GAB2: variants seen among roughly 807,000 people sequenced by gnomAD.
The protein encoded by GAB2 is GRB2 associated binding protein 2, also known as GRB2-associated-binding protein 2.
A neutral mutation model predicts 65.5 loss-of-function variants in GAB2; 26 were observed. That is an observed-to-expected ratio of 0.40 (90% confidence interval 0.29 to 0.55). The LOEUF is 0.55. GAB2 is among the 20% of genes least tolerant of loss of function. The pLI, the probability that GAB2 is intolerant of heterozygous loss-of-function variation, is 0.53. For synonymous variants in GAB2, 321 were observed against 329.6 expected, an observed-to-expected ratio of 0.97 and a Z score of 0.28; for missense variants, 884 against 875.8, an observed-to-expected ratio of 1.01 and a Z score of -0.12.
At chr11:78,351,365 G>A (rs1413610433) in intron 1 of GAB2, among the ~76,000 whole-genome samples, 1 of 152,128 alleles carries the variant, frequency 6.6e-6, no homozygotes, top group East Asian at 1.9e-4. Flanking sequence ...GATGCAGGCA[G>A]AGAGCTCTGC....
chr11:78,280,381 G>C, intron 2 of GAB2: 1 of 579,162 alleles, frequency 1.7e-6, no homozygotes, highest in South Asian at 2.1e-5. Context: ...AATACCTTTA[G>C]CTTTATCACA....
At chr11:78,333,723 CATAG>C (rs1855953428) in intron 1 of GAB2, among the ~76,000 whole-genome samples, 2 of 152,068 alleles carry the variant, frequency 1.3e-5, no homozygotes, top group South Asian at 4.1e-4. Flanking sequence ...TGTAAAATCC[CATAG>C]ATACTTACTG....
chr11:78,288,042 G>GAA (rs79860012), intron 1 of GAB2, among the ~76,000 whole-genome samples: 2 of 150,296 alleles, frequency 1.3e-5, no homozygotes, highest in South Asian at 4.2e-4. Context: ...TGGAAAGGAA[G>GAA]AAAAAAAAAT....
intron 1 of GAB2, among the ~76,000 whole-genome samples, chr11:78,386,376 A>G (rs1412566390): frequency 6.6e-6 from 1 of 152,202 alleles, no homozygotes; most frequent in African/African-American, 2.4e-5. Flanking sequence ...CAAGCACTTG[A>G]TATCTCTTCT....
intron 1 of GAB2, among the ~76,000 whole-genome samples, chr11:78,374,935 T>G (rs1856614305): frequency 6.6e-6 from 1 of 152,230 alleles, no homozygotes; most frequent in Admixed American, 6.5e-5. Context: ...TCTATTGAAA[T>G]ATTATTTTAA....
chr11:78,242,681 A>G (rs937598558), intron 3 of GAB2, among the ~76,000 whole-genome samples: 1 of 152,242 alleles, frequency 6.6e-6, no homozygotes, highest in Non-Finnish European at 1.5e-5. Context: ...CTAATGATGC[A>G]TCTCAAGGAA....
chr11:78,373,919 C>T (rs7926053), intron 1 of GAB2, among the ~76,000 whole-genome samples: 8,200 of 152,136 alleles, frequency 0.054, 694 homozygotes, highest in African/African-American at 0.18. Flanking sequence ...GCACAGTACC[C>T]GACACACAGT....
At chr11:78,393,790 T>C (rs1037562393) in intron 1 of GAB2, among the ~76,000 whole-genome samples, 4 of 152,242 alleles carry the variant, frequency 2.6e-5, no homozygotes, top group Non-Finnish European at 5.9e-5. Flanking sequence ...TTATAGAGTG[T>C]TTACAATGTG....
In GAB2 at chr11:78,217,764, C is replaced by G. The variant is rs1415705964; in HGVS notation, c.*1508G>C. On this transcript the variant is annotated 3_prime_UTR_variant, in exon 10 of 10. Coordinates refer to ENST00000361507, the MANE Select transcript of GAB2 (RefSeq NM_080491.3). ...CTGGGGAGGAGAGTCCAAGATGGCT[C>G]CTGGAATGCTAGGGAGCAACAGAGG... 1 of 152,162 alleles carries G rather than the reference C, an allele frequency of 6.6e-6. No homozygotes were observed. The highest frequency in any genetic ancestry group is 2.4e-5 in the African/African-American group (1 of 41,318). 9.4% of individuals were successfully genotyped at this position (152,162 alleles called of 1,614,324 possible). A position where few individuals can be genotyped will look rare whatever the true frequency, so the allele number is the denominator to read the frequency against.
chr11:78,255,252 C>T (rs1253841756), intron 2 of GAB2, among the ~76,000 whole-genome samples: 1 of 152,132 alleles, frequency 6.6e-6, no homozygotes, highest in African/African-American at 2.4e-5. Context: ...GAAACAGACT[C>T]TCCTTAGAGC....
chr11:78,251,668 C>T (rs1205561676), intron 2 of GAB2, among the ~76,000 whole-genome samples: 1 of 152,228 alleles, frequency 6.6e-6, no homozygotes, highest in Non-Finnish European at 1.5e-5. Context: ...CACCTCTACT[C>T]TACTGGCAAG....
At chr11:78,343,297 A>G (rs1856128637) in intron 1 of GAB2, among the ~76,000 whole-genome samples, 1 of 151,520 alleles carries the variant, frequency 6.6e-6, no homozygotes, top group African/African-American at 2.4e-5. Context: ...CCCCGTTGAT[A>G]GACTGAAAAT....
chr11:78,407,766 AAGAGAG>A (rs1231851022), intron 1 of GAB2, among the ~76,000 whole-genome samples: 1 of 151,702 alleles, frequency 6.6e-6, no homozygotes, highest in African/African-American at 2.4e-5. Flanking sequence ...GAAAGAAAGA[AAGAGAG>A]AGAAAGAAAG....
rs193273580 is a variant in GAB2 at position 78,279,263 on chromosome 11, A to G, written c.376+1338T>C. 4.3e-3 allele frequency among the ~76,000 whole-genome samples: 656 copies of G among 152,330 alleles called. 2 individuals are homozygous for G. Among genetic ancestry groups the G allele is most frequent in the African/African-American group, 0.015 (636 of 41,562 alleles). The stretch of plus-strand genomic sequence containing the variant: ...AGAGCCCAGTGTAAAATGAAAACGC[A>G]GAACTTCCTGTTAAAAAAACTATTA... On this transcript the variant is annotated intron_variant, in intron 2 of 9. Coordinates refer to ENST00000361507, the MANE Select transcript of GAB2 (RefSeq NM_080491.3).
At chr11:78,264,548 G>A (rs1317726054) in intron 2 of GAB2, among the ~76,000 whole-genome samples, 6 of 151,596 alleles carry the variant, frequency 4.0e-5, no homozygotes, top group Non-Finnish European at 7.4e-5. Context: ...CTACAGGCAC[G>A]TGCCACCATG....
intron 1 of GAB2, among the ~76,000 whole-genome samples, chr11:78,283,551 C>A (rs551065246): frequency 6.6e-6 from 1 of 152,282 alleles, no homozygotes; most frequent in South Asian, 2.1e-4. Flanking sequence ...TTTGTTTCCT[C>A]CCCTCCTATT....
rs552150258 is a variant in GAB2 at position 78,417,737 on chromosome 11, C to A, written c.-17G>T. 3.2e-6 allele frequency: 4 copies of A among 1,254,716 alleles called. No homozygotes were observed. Among genetic ancestry groups the A allele is most frequent in the Admixed American group, 5.8e-5 (2 of 34,772 alleles). The allele number at this position is 1,254,716 out of a possible 1,614,324, so 77.7% of individuals were successfully genotyped here. A position where few individuals can be genotyped will look rare whatever the true frequency, so the allele number is the denominator to read the frequency against. ...GCCGCTCATGCTGCCGGCCTGGAGCCCCCCGCCGGGTCGCGCGGACGAGGG... is the reference window on the plus strand; with the variant it reads ...GCCGCTCATGCTGCCGGCCTGGAGCACCCCGCCGGGTCGCGCGGACGAGGG... On this transcript the variant is annotated 5_prime_UTR_variant, in exon 1 of 10. Coordinates refer to ENST00000361507, the MANE Select transcript of GAB2 (RefSeq NM_080491.3).
chr11:78,410,594 C>T (rs1378633821), intron 1 of GAB2, among the ~76,000 whole-genome samples: 2 of 152,158 alleles, frequency 1.3e-5, no homozygotes, highest in African/African-American at 4.8e-5. Context: ...ACAGACCCTG[C>T]AGACACTGAA....
intron 1 of GAB2, among the ~76,000 whole-genome samples, chr11:78,346,721 A>ATATATATAT (rs1491548868): frequency 1.1e-3 from 38 of 34,520 alleles, no homozygotes; most frequent in East Asian, 2.1e-3. Flanking sequence ...ATATATATAT[A>ATATATATAT]ATTTTTTTTT....
Sources: gnomAD v4.1 joint callset for allele counts (sites outside exome capture counted in the v4.1 genomes callset) on GRCh38, gnomAD v4.1.1 for gene constraint, MANE v1.5 for transcripts, NCBI Gene and HGNC (gene_info 2026-07-23, HGNC 2026-07-21) for gene names.